The following SCHIP1 variants were observed in gnomAD, a reference collection of about 807,000 sequenced individuals.
The protein encoded by SCHIP1 is schwannomin-interacting protein 1.
In SCHIP1, 8 loss-of-function variants were observed where a neutral mutation model predicts 29.7. The observed-to-expected ratio is 0.27, with a 90% CI of 0.16 to 0.49. The LOEUF (loss-of-function observed/expected upper bound fraction) is 0.49. SCHIP1 is among the 20% of genes least tolerant of loss of function. The pLI, the probability that SCHIP1 is intolerant of heterozygous loss-of-function variation, is 0.99. For synonymous variants in SCHIP1, 76 were observed against 94.9 expected (o/e 0.80, Z 1.16); for missense variants, 193 against 294.6 (o/e 0.66, Z 2.52).
At chr3:159,402,385 G>C in the SCHIP1 span, among the ~76,000 whole-genome samples, 1 of 152,162 alleles carries the variant, frequency 6.6e-6, no homozygotes, top group Non-Finnish European at 1.5e-5. Context: ...ATTCCTCAGA[G>C]ATCTAGAACT....
chr3:159,435,691 T>G, the SCHIP1 span, among the ~76,000 whole-genome samples: 1 of 152,168 alleles, frequency 6.6e-6, no homozygotes, highest in Non-Finnish European at 1.5e-5. Context: ...TTGCTAAATA[T>G]TTGAAACACG....
chr3:159,413,790 G>A, the SCHIP1 span, among the ~76,000 whole-genome samples: 10 of 152,222 alleles, frequency 6.6e-5, no homozygotes, highest in East Asian at 3.9e-4. Flanking sequence ...TGGTGTGAAG[G>A]ACAATGCCTT....
At chr3:159,545,052 A>T in the SCHIP1 span, among the ~76,000 whole-genome samples, 1 of 152,082 alleles carries the variant, frequency 6.6e-6, no homozygotes, top group East Asian at 1.9e-4. Flanking sequence ...CATGTTTCCC[A>T]ATTGAATATG....
chr3:159,427,059 C>G, the SCHIP1 span, among the ~76,000 whole-genome samples: 2 of 152,184 alleles, frequency 1.3e-5, no homozygotes, highest in Non-Finnish European at 2.9e-5. Context: ...CTATCTATGA[C>G]AAACCCACAG....
chr3:159,828,392 TATAC>T, the SCHIP1 span, among the ~76,000 whole-genome samples: 4 of 63,146 alleles, frequency 6.3e-5, no homozygotes, highest in East Asian at 2.6e-3. Flanking sequence ...TATATACATA[TATAC>T]GTATATATAT....
At chr3:159,772,363 C>T in the SCHIP1 span, among the ~76,000 whole-genome samples, 9 of 152,292 alleles carry the variant, frequency 5.9e-5, no homozygotes, top group East Asian at 3.9e-4. Context: ...AGACTGGTCT[C>T]GAACTCCTGA....
At chr3:159,642,600 C>T in the SCHIP1 span, among the ~76,000 whole-genome samples, 1 of 152,080 alleles carries the variant, frequency 6.6e-6, no homozygotes, top group Admixed American at 6.6e-5. Flanking sequence ...AAGGCACTGC[C>T]AGACCACCTC....
the SCHIP1 span, among the ~76,000 whole-genome samples, chr3:159,662,935 G>A: frequency 2.0e-5 from 3 of 152,178 alleles, no homozygotes; most frequent in African/African-American, 2.4e-5. Context: ...ATTGAATTGT[G>A]TTGCTTTAAT....
the SCHIP1 span, among the ~76,000 whole-genome samples, chr3:159,827,960 C>G: frequency 6.6e-6 from 1 of 151,650 alleles, no homozygotes; most frequent in Admixed American, 6.6e-5. Flanking sequence ...AAAGAAAAAA[C>G]AAACTCATCA....
chr3:159,872,552 A>G (rs1715394250), intron 2 of SCHIP1, among the ~76,000 whole-genome samples: 1 of 152,196 alleles, frequency 6.6e-6, no homozygotes, highest in Non-Finnish European at 1.5e-5. Flanking sequence ...ACAGTAGCTC[A>G]TAACAAGCTA....
chr3:159,725,392 C>G, the SCHIP1 span, among the ~76,000 whole-genome samples: 2 of 151,868 alleles, frequency 1.3e-5, no homozygotes, highest in Non-Finnish European at 2.9e-5. Flanking sequence ...GCCTCAGCCT[C>G]CAAGTAGCTG....
chr3:159,437,603 T>C, the SCHIP1 span, among the ~76,000 whole-genome samples: 1 of 151,914 alleles, frequency 6.6e-6, no homozygotes, highest in Admixed American at 6.6e-5. Flanking sequence ...AAGGAGACGG[T>C]GGAGGGGGAA....
chr3:159,656,061 G>A, the SCHIP1 span, among the ~76,000 whole-genome samples: 1 of 152,300 alleles, frequency 6.6e-6, no homozygotes, highest in South Asian at 2.1e-4. Flanking sequence ...GGATGGCCTG[G>A]CTGTTCAGGG....
At chr3:159,876,766 A>T (rs1715855944) in intron 2 of SCHIP1, among the ~76,000 whole-genome samples, 1 of 152,228 alleles carries the variant, frequency 6.6e-6, no homozygotes, top group African/African-American at 2.4e-5. Context: ...AAGGTGAAAC[A>T]TGTTGGCAAA....
At chr3:159,859,940 G>A (rs1713837386) in intron 1 of SCHIP1, among the ~76,000 whole-genome samples, 1 of 151,976 alleles carries the variant, frequency 6.6e-6, no homozygotes, top group African/African-American at 2.4e-5. Context: ...AGTCAATCAA[G>A]TTTGAGTGCT....
At chr3:159,477,918 A>ATT in the SCHIP1 span, among the ~76,000 whole-genome samples, 1 of 108,058 alleles carries the variant, frequency 9.3e-6, no homozygotes, top group African/African-American at 3.5e-5. Context: ...CTCATTTTAA[A>ATT]TCTTTTTTTT....
chr3:159,801,128 C>T, the SCHIP1 span, among the ~76,000 whole-genome samples: 1 of 151,964 alleles, frequency 6.6e-6, no homozygotes, highest in African/African-American at 2.4e-5. Context: ...ATATCAAATA[C>T]GAGTGACTCA....
At chr3:159,828,980 T>C in the SCHIP1 span, among the ~76,000 whole-genome samples, 10,250 of 152,168 alleles carry the variant, frequency 0.067, 1,093 homozygotes, top group African/African-American at 0.23. Flanking sequence ...TACTTTTCAC[T>C]TTTTCTGCCA....
At chr3:159,550,856 G>A in the SCHIP1 span, among the ~76,000 whole-genome samples, 1 of 152,166 alleles carries the variant, frequency 6.6e-6, no homozygotes, top group South Asian at 2.1e-4. Flanking sequence ...AGAAATTAAT[G>A]TCAGCCTCAA....
Sources: allele counts gnomAD v4.1 joint callset (sites outside exome capture counted in the v4.1 genomes callset), GRCh38; gene constraint gnomAD v4.1.1; transcripts MANE v1.5; gene names NCBI Gene and HGNC (gene_info 2026-07-23, HGNC 2026-07-21).